Variants in NCS1 observed in about 807,000 individuals in gnomAD.
NCS1 encodes frequenin homolog.
Under a neutral mutation model 28.4 loss-of-function variants are expected in NCS1, and 6 were observed. The ratio of observed to expected loss-of-function variants is 0.21; its 90% confidence interval spans 0.12 to 0.42. The LOEUF (loss-of-function observed/expected upper bound fraction) is 0.42, where lower values mean the gene tolerates loss of function less well. Among genes scored for constraint, NCS1 ranks in the 10% least tolerant of loss-of-function variants. NCS1 has a pLI of 1.00. For missense variants in NCS1, 131 were observed against 241.4 expected (o/e 0.54, Z 3.03); for synonymous variants, 86 against 99.3 (o/e 0.87, Z 0.79).
chr9:130,198,223 C>T (rs782189094), intron 1 of NCS1, among the ~76,000 whole-genome samples: 32 of 152,174 alleles, frequency 2.1e-4, no homozygotes, highest in Non-Finnish European at 2.4e-4. Context: ...GCCCTTCTCC[C>T]ACCTCCCTGC....
chr9:130,226,102 C>G lies in NCS1; in HGVS notation c.475-287C>G, dbSNP rs1415302145. Among the ~76,000 whole-genome samples, 2 of 152,212 alleles carry G rather than the reference C, an allele frequency of 1.3e-5. No individual in the cohort carries two copies. Among genetic ancestry groups the G allele is most frequent in the African/African-American group, 4.8e-5 (2 of 41,446 alleles). ...ACACGTGTGGAGTTACAGGGCACTT[C>G]CAGTTGGTCAAGCACAGAGCTGTCA... On this transcript the variant is annotated intron_variant, in intron 6 of 7. Transcript: ENST00000372398. This position sits in a 1 kb window ranked among gnomAD's most constrained non-coding sequence, Gnocchi z 4.8.
intron 6 of NCS1, among the ~76,000 whole-genome samples, chr9:130,224,292 T>TAA (rs782488225): frequency 1.1e-4 from 7 of 61,718 alleles, no homozygotes; most frequent in Non-Finnish European, 1.6e-4. Context: ...CTTTCTCTAC[T>TAA]AAAAAAAAAA....
rs1336223188 is a variant in NCS1, at chr9:130,175,681, C to G, written c.64+2954C>G. ...CGTCTCTGGCTCTGTCTGTGGTGGT[C>G]TGTGTGTGTGAGGAAGCAGGAGTGT... On this transcript the variant is annotated intron_variant, in intron 1 of 7. Coordinates refer to ENST00000372398, the MANE Select transcript of NCS1 (RefSeq NM_014286.4). The surrounding 1 kb of genome is among the most constrained non-coding windows in gnomAD (Gnocchi z 4.9). 2.0e-5 allele frequency among the ~76,000 whole-genome samples: 3 copies of G among 152,112 alleles called. No homozygotes were observed. Among genetic ancestry groups the G allele is most frequent in the Non-Finnish European group, 4.4e-5 (3 of 68,016 alleles).
rs1271083573 is a variant in NCS1, at chr9:130,233,992, G to A, written c.*1020G>A. 2 of 152,092 alleles carry A rather than the reference G, an allele frequency of 1.3e-5. No individual in the cohort carries two copies. The highest frequency in any genetic ancestry group is 2.9e-5 in the Non-Finnish European group (2 of 68,030). The allele number at this position is 152,092 out of a possible 1,614,324, so 9.4% of individuals were successfully genotyped here. Reference sequence around the variant, plus strand: ...CGAGGATGAACAGGGGACATCTTTAGGTTTCTCAACTCTTGCTTTGGTGTT... The same window carrying A: ...CGAGGATGAACAGGGGACATCTTTAAGTTTCTCAACTCTTGCTTTGGTGTT... On this transcript the variant is annotated 3_prime_UTR_variant, in exon 8 of 8. Transcript: ENST00000372398. The surrounding 1 kb of genome is among the most constrained non-coding windows in gnomAD (Gnocchi z 4.8).
intron 1 of NCS1, among the ~76,000 whole-genome samples, chr9:130,188,054 G>A (rs1219928822): frequency 2.0e-5 from 3 of 152,226 alleles, no homozygotes; most frequent in Non-Finnish European, 4.4e-5. Flanking sequence ...TGCAGTTCCT[G>A]CCCCTGTGGG....
At chr9:130,214,163 A>T (rs1266390884) in intron 2 of NCS1, among the ~76,000 whole-genome samples, 1 of 152,324 alleles carries the variant, frequency 6.6e-6, no homozygotes, top group Middle Eastern at 3.4e-3. Context: ...CATATGGTAT[A>T]GCGTGGTACA....
intron 1 of NCS1, among the ~76,000 whole-genome samples, chr9:130,185,845 C>T (rs1156816816): frequency 2.0e-5 from 3 of 152,278 alleles, no homozygotes; most frequent in Non-Finnish European, 4.4e-5. Context: ...CTTGCCGGGC[C>T]ATTGTTGTCT....
intron 7 of NCS1, among the ~76,000 whole-genome samples, chr9:130,230,421 C>T (rs982262391): frequency 3.3e-5 from 5 of 152,004 alleles, no homozygotes; most frequent in African/African-American, 1.2e-4. Context: ...TAGTGTAATG[C>T]TGAGTGGGCG....
chr9:130,222,862 G>C, intron 5 of NCS1, 124 bp downstream of exon 5: 1 of 1,065,838 alleles, frequency 9.4e-7, no homozygotes, highest in South Asian at 1.3e-5. Context: ...GTCACTGGCT[G>C]AGCCGTTCTG....
At chr9:130,201,037 G>T (rs1245042615) in intron 2 of NCS1, 55 bp downstream of exon 2, 2 of 1,611,052 alleles carry the variant, frequency 1.2e-6, no homozygotes, top group Non-Finnish European at 1.7e-6. Context: ...GGGCTTTGTG[G>T]GCTGTGGGCT....
Position 130,223,297 on chromosome 9 carries a change from C to G in NCS1, c.474+138C>G. The stretch of plus-strand genomic sequence containing the variant: ...ACGGCAGGCGGCACGGTGTCCTATC[C>G]CTGCTCAGCAGCTAGCCCCATCCAG... On this transcript the variant is annotated intron_variant, in intron 6 of 7. Transcript: ENST00000372398. 4 of 721,580 alleles carry G rather than the reference C, an allele frequency of 5.5e-6. No individual in the cohort carries two copies. In the South Asian group the frequency reaches 6.9e-5, roughly 12 times the overall value. The allele number at this position is 721,580 out of a possible 1,614,324, so 44.7% of individuals were successfully genotyped here. A position where few individuals can be genotyped will look rare whatever the true frequency, so the allele number is the denominator to read the frequency against.
intron 1 of NCS1, among the ~76,000 whole-genome samples, chr9:130,184,207 C>T (rs1221012848): frequency 6.6e-6 from 1 of 152,156 alleles, no homozygotes; most frequent in African/African-American, 2.4e-5. Context: ...CACTTCTAGC[C>T]CTGTGACCAC....
At chr9:130,221,407 T>TAGAGAGAGAGAG (rs1224970441) in intron 4 of NCS1, among the ~76,000 whole-genome samples, 1 of 42,728 alleles carries the variant, frequency 2.3e-5, no homozygotes, top group African/African-American at 1.0e-4. Flanking sequence ...TATATATATA[T>TAGAGAGAGAGAG]ATATATAGAG....
At position 130,226,872 on chromosome 9, in the gene NCS1, A is replaced by C. The variant is rs1833423032; in HGVS notation, c.*17+368A>C. 6.6e-6 allele frequency among the ~76,000 whole-genome samples: 1 copy of C among 151,980 alleles called. No homozygotes were observed. On this transcript the variant is annotated intron_variant, in intron 7 of 7. Transcript: ENST00000372398. The surrounding 1 kb of genome is among the most constrained non-coding windows in gnomAD (Gnocchi z 4.8). Reference sequence around the variant, plus strand: ...AAACCCCGTCTCTACTAAAAATACAAAAATCAGGCGGGCGTGGTGGTGCGC... The same window carrying C: ...AAACCCCGTCTCTACTAAAAATACACAAATCAGGCGGGCGTGGTGGTGCGC...
chr9:130,187,196 G>T (rs922879191), intron 1 of NCS1, among the ~76,000 whole-genome samples: 12 of 152,286 alleles, frequency 7.9e-5, no homozygotes, highest in African/African-American at 2.9e-4. Context: ...GCCCAGGGAG[G>T]CACCGGCAGG....
intron 7 of NCS1, among the ~76,000 whole-genome samples, chr9:130,227,292 T>C (rs1380115090): frequency 3.9e-5 from 6 of 152,186 alleles, no homozygotes; most frequent in Admixed American, 1.3e-4. Context: ...CTGCCTCTTC[T>C]TTGTGGAGTG....
chr9:130,211,010 ATTTT>A (rs34425557), intron 2 of NCS1, among the ~76,000 whole-genome samples: 12 of 92,388 alleles, frequency 1.3e-4, no homozygotes, highest in African/African-American at 4.0e-4. Flanking sequence ...GGCTCCACTA[ATTTT>A]TTTTTTTTTT....
Position 130,237,255 on chromosome 9 carries a change from T to C in NCS1, c.*4283T>C, listed in dbSNP as rs1403269973. The C allele has an allele frequency of 6.6e-6, 1 of 152,304 alleles. No homozygotes were observed. Among genetic ancestry groups the C allele is most frequent in the Non-Finnish European group, 1.5e-5 (1 of 68,118 alleles). 9.4% of individuals were successfully genotyped at this position (152,304 alleles called of 1,614,324 possible). ...CCAGCCTCCCCAAGCTCCTGCTGTATGTCGTCCATGTCACGCCAATTAAAC... is the reference window on the plus strand; with the variant it reads ...CCAGCCTCCCCAAGCTCCTGCTGTACGTCGTCCATGTCACGCCAATTAAAC... On this transcript the variant is annotated 3_prime_UTR_variant, in exon 8 of 8. Coordinates refer to ENST00000372398, the MANE Select transcript of NCS1 (RefSeq NM_014286.4).
chr9:130,173,231 C>T (rs1441414284), intron 1 of NCS1, among the ~76,000 whole-genome samples: 1 of 151,732 alleles, frequency 6.6e-6, no homozygotes, highest in Non-Finnish European at 1.5e-5. Flanking sequence ...TGGCACAGCG[C>T]TCGTCGTGCG....
Sources: gnomAD v4.1 joint callset for allele counts (sites outside exome capture counted in the v4.1 genomes callset) on GRCh38, gnomAD v4.1.1 for gene constraint, Gnocchi (gnomAD v3.1) non-coding constraint, MANE v1.5 for transcripts, NCBI Gene and HGNC (gene_info 2026-07-23, HGNC 2026-07-21) for gene names.